The following PRKG1 variants were observed in gnomAD, a reference collection of about 807,000 sequenced individuals.
PRKG1 encodes the protein cGMP-dependent protein kinase 1.
PRKG1 carries 35 observed loss-of-function variants against 88.1 expected under a neutral mutation model. The ratio of observed to expected loss-of-function variants is 0.40; its 90% CI spans 0.30 to 0.53. The LOEUF is 0.53. Ranked by LOEUF, PRKG1 falls within the 20% of genes least tolerant of loss-of-function variation. The pLI is 0.59. For synonymous variants in PRKG1, 303 were observed against 292.5 expected, an observed-to-expected ratio of 1.04 and a Z score of -0.37; for missense variants, 540 against 839.8, an observed-to-expected ratio of 0.64 and a Z score of 4.41.
chr10:51,549,001 T>C (rs996803437), intron 3 of PRKG1, among the ~76,000 whole-genome samples: 11 of 152,032 alleles, frequency 7.2e-5, no homozygotes, highest in African/African-American at 4.8e-5. Context: ...AAGAATATGG[T>C]TAAGAGATTT....
chr10:51,184,138 G>C (rs750301647), intron 2 of PRKG1, among the ~76,000 whole-genome samples: 1 of 152,138 alleles, frequency 6.6e-6, no homozygotes, highest in African/African-American at 2.4e-5. Context: ...CAACTCATAT[G>C]ACATCTTTAC....
chr10:51,782,301 G>T (rs1371932693), intron 3 of PRKG1, among the ~76,000 whole-genome samples: 1 of 152,084 alleles, frequency 6.6e-6, no homozygotes, highest in Non-Finnish European at 1.5e-5. Context: ...TGGGTTATCA[G>T]GTTGTAGCCT....
At chr10:51,492,095 T>A (rs1840721404) in intron 3 of PRKG1, among the ~76,000 whole-genome samples, 1 of 152,140 alleles carries the variant, frequency 6.6e-6, no homozygotes, top group African/African-American at 2.4e-5. Flanking sequence ...GTCCTCGTTT[T>A]GCTCAACCAT....
intron 2 of PRKG1, among the ~76,000 whole-genome samples, chr10:51,359,795 A>T (rs1472841980): frequency 3.4e-4 from 51 of 151,934 alleles, no homozygotes. Flanking sequence ...ATACACCAAA[A>T]GACCAGATGG....
At chr10:51,495,676 C>T (rs889594839) in intron 3 of PRKG1, among the ~76,000 whole-genome samples, 2 of 152,180 alleles carry the variant, frequency 1.3e-5, no homozygotes, top group African/African-American at 2.4e-5. Flanking sequence ...CACTTATTCT[C>T]TCAAACATGC....
chr10:51,033,539 A>T (rs1843314509), intron 1 of PRKG1, among the ~76,000 whole-genome samples: 1 of 152,188 alleles, frequency 6.6e-6, no homozygotes, highest in Admixed American at 6.5e-5. Context: ...TAATGTCAGG[A>T]TAATGACATT....
intron 2 of PRKG1, among the ~76,000 whole-genome samples, chr10:51,421,376 G>A (rs2132707558): frequency 6.6e-6 from 1 of 152,148 alleles, no homozygotes; most frequent in Middle Eastern, 3.4e-3. Flanking sequence ...ATGTTATCTT[G>A]CTATGTTGGC....
At chr10:51,445,517 C>CTTTAGGTTA (rs1839245812) in intron 2 of PRKG1, among the ~76,000 whole-genome samples, 1 of 151,298 alleles carries the variant, frequency 6.6e-6, no homozygotes, top group African/African-American at 2.4e-5. Context: ...CACATATCAG[C>CTTTAGGTTA]TTTAGGTTAA....
intron 3 of PRKG1, among the ~76,000 whole-genome samples, chr10:51,629,898 T>C (rs1182278094): frequency 6.6e-6 from 1 of 152,196 alleles, no homozygotes; most frequent in Non-Finnish European, 1.5e-5. Context: ...TTTCAAACCC[T>C]CTGCTAATGT....
At chr10:51,998,127 G>A (rs569993030) in intron 5 of PRKG1, among the ~76,000 whole-genome samples, 112 of 151,984 alleles carry the variant, frequency 7.4e-4, no homozygotes, top group African/African-American at 2.5e-3. Flanking sequence ...GAATTTATCC[G>A]GACTCTTGAT....
upstream of PRKG1, among the ~76,000 whole-genome samples, chr10:51,073,955 C>G (rs1052730154): frequency 6.6e-6 from 1 of 152,150 alleles, no homozygotes; most frequent in Non-Finnish European, 1.5e-5. Flanking sequence ...GAACTCAGAG[C>G]TTTGATGATG....
chr10:51,173,888 T>G (rs1477652882), intron 2 of PRKG1, among the ~76,000 whole-genome samples: 1 of 151,884 alleles, frequency 6.6e-6, no homozygotes, highest in Non-Finnish European at 1.5e-5. Context: ...GTGTTTTTCC[T>G]TATGCTTAAA....
chr10:51,017,599 A>G (rs1843083979), intron 1 of PRKG1, among the ~76,000 whole-genome samples: 1 of 152,160 alleles, frequency 6.6e-6, no homozygotes, highest in Non-Finnish European at 1.5e-5. Flanking sequence ...CTAGTCCAAT[A>G]GACACTTTAC....
rs1842017401 is a variant in PRKG1 at position 51,721,710 on chromosome 10, A to G, written c.593-82875A>G. On this transcript the variant is annotated intron_variant, in intron 3 of 17. Transcript: ENST00000373980. The stretch of plus-strand genomic sequence containing the variant: ...ATCTGCTGTGTAGCCCAGGCAGTAT[A>G]GAGGATATTATTATCATAACCAGTG... 2.0e-5 allele frequency among the ~76,000 whole-genome samples: 3 copies of G among 150,888 alleles called. No individual in the cohort carries two copies. The Admixed American group carries it at 2.0e-4, about 10-fold the overall frequency.
chr10:51,848,631 A>ATC (rs1259851948), intron 4 of PRKG1, among the ~76,000 whole-genome samples: 1 of 133,342 alleles, frequency 7.5e-6, no homozygotes, highest in Non-Finnish European at 1.6e-5. Flanking sequence ...GTGTGTCTGT[A>ATC]TCTGTGTGTG....
At chr10:51,153,064 C>T (rs192322857) in intron 1 of PRKG1, 100 bp from the exon 2 acceptor site, 5 of 706,372 alleles carry the variant, frequency 7.1e-6, no homozygotes, top group African/African-American at 2.1e-5. Context: ...CAAGAAAATA[C>T]ATTTGTGGTG....
intron 8 of PRKG1, among the ~76,000 whole-genome samples, chr10:52,145,975 A>G (rs1478108179): frequency 6.6e-6 from 1 of 152,174 alleles, no homozygotes; most frequent in Non-Finnish European, 1.5e-5. Flanking sequence ...CTACAGTCAT[A>G]TAATTGAATT....
rs553639232 is a variant in PRKG1, at chr10:51,860,021, A to T, written c.699-47486A>T. Among the ~76,000 whole-genome samples the T allele has an allele frequency of 5.1e-3, 772 of 152,214 alleles. 2 individuals are homozygous for T. Among genetic ancestry groups the T allele is most frequent in the Non-Finnish European group, 8.2e-3 (558 of 68,020 alleles). On this transcript the variant is annotated intron_variant, in intron 4 of 17. Transcript: ENST00000373980. ...ATTCCTCATTCCAGATGAATTAGGT[A>T]CTCGTGTCATCCCTGTATTACTGGG...
At chr10:52,072,158 C>CTTTTTTTTTTTTTTTTTTTTTTTTTTTG (rs60576406) in intron 7 of PRKG1, among the ~76,000 whole-genome samples, 4 of 39,556 alleles carry the variant, frequency 1.0e-4, no homozygotes, top group Non-Finnish European at 1.6e-4. Flanking sequence ...TATTGTTTTG[C>CTTTTTTTTTTTTTTTTTTTTTTTTTTTG]TTTTTTTTTT....
Sources: gnomAD v4.1 joint callset for allele counts (sites outside exome capture counted in the v4.1 genomes callset) on GRCh38, gnomAD v4.1.1 for gene constraint, MANE v1.5 for transcripts, NCBI Gene and HGNC (gene_info 2026-07-23, HGNC 2026-07-21) for gene names.